The following THRAP3 variants were observed in gnomAD, a reference collection of about 807,000 sequenced individuals.
THRAP3 encodes thyroid hormone receptor-associated protein 3.
In THRAP3, 16 loss-of-function variants were observed where a neutral mutation model predicts 101.0. The ratio of observed to expected loss-of-function variants is 0.16; its 90% CI spans 0.11 to 0.24. THRAP3 has a LOEUF of 0.24. THRAP3 is among the 10% of genes least tolerant of loss of function. The probability of loss-of-function intolerance (pLI) is 1.00; values close to 1 mark genes in which losing one functional copy is unlikely to be tolerated. For missense variants in THRAP3, 989 were observed against 1,202.7 expected, an observed-to-expected ratio of 0.82 and a Z score of 2.63; for synonymous variants, 407 against 422.6, an observed-to-expected ratio of 0.96 and a Z score of 0.45.
At chr1:36,277,362 G>T (rs753562658) in intron 2 of THRAP3, among the ~76,000 whole-genome samples, 1 of 151,086 alleles carries the variant, frequency 6.6e-6, no homozygotes, top group Admixed American at 6.6e-5. Flanking sequence ...ACCACACCTG[G>T]CTACTTTTTG....
the THRAP3 span, among the ~76,000 whole-genome samples, chr1:36,212,524 G>T: frequency 6.7e-6 from 1 of 149,748 alleles, no homozygotes; most frequent in Non-Finnish European, 1.5e-5. Flanking sequence ...GCGTTCGAGC[G>T]ATTCTCCTGC....
chr1:36,277,134 A>G (rs1016757036), intron 2 of THRAP3, among the ~76,000 whole-genome samples: 2 of 148,722 alleles, frequency 1.3e-5, no homozygotes, highest in African/African-American at 5.0e-5. Flanking sequence ...ACGCCTGGCT[A>G]ATTTTTGTAT....
the THRAP3 span, among the ~76,000 whole-genome samples, chr1:36,219,120 A>C: frequency 1.8e-4 from 27 of 152,048 alleles, no homozygotes; most frequent in African/African-American, 6.0e-4. Context: ...TGATACAGAG[A>C]GAGTTTTAGT....
upstream of THRAP3, among the ~76,000 whole-genome samples, chr1:36,220,533 G>C (rs1252865883): frequency 6.6e-6 from 1 of 152,086 alleles, no homozygotes; most frequent in Non-Finnish European, 1.5e-5. Flanking sequence ...TAAATGTTGT[G>C]AAGGCTGGGT....
At chr1:36,234,505 A>G (rs377439291) in intron 1 of THRAP3, among the ~76,000 whole-genome samples, 6 of 152,292 alleles carry the variant, frequency 3.9e-5, no homozygotes, top group Non-Finnish European at 2.9e-5. Context: ...CTGTTATGGT[A>G]TGTCGTATGT....
At chr1:36,224,898 C>T (rs1644943750) in intron 1 of THRAP3, 1 of 152,346 alleles carries the variant, frequency 6.6e-6, no homozygotes, top group African/African-American at 2.4e-5. Flanking sequence ...CCCCATTGGC[C>T]TGGTTCGGTC....
rs138875519 is a variant in THRAP3, at chr1:36,287,141, A to G, written c.911A>G (p.His304Arg). 148 of 1,614,158 alleles carry G rather than the reference A, an allele frequency of 9.2e-5. 1 individual carries two copies. The African/African-American group carries it at 1.8e-3, about 19-fold the overall frequency. Residue 304 changes from histidine (H) to arginine (R), a missense_variant, in exon 4 of 12, where the codon CAT becomes CGT. By Grantham distance (29) the His-to-Arg change is conservative (BLOSUM62 0). Transcript: ENST00000354618. ...GGGACACACCAAGGTCAGTTCGACC[A>G]TGGTTCTGGGTCCCTGAGTCCATCC... ...QSGTHQGQFD[H>R]GSGSLSPSKK...
At chr1:36,266,850 A>ATATTTATTCATT (rs1645520428) in intron 2 of THRAP3, among the ~76,000 whole-genome samples, 1 of 144,226 alleles carries the variant, frequency 6.9e-6, no homozygotes, top group Non-Finnish European at 1.5e-5. Flanking sequence ...TATAATACGA[A>ATATTTATTCATT]TATTTATTTA....
chr1:36,280,607 G>T (rs1028970177), intron 2 of THRAP3, among the ~76,000 whole-genome samples: 2 of 152,172 alleles, frequency 1.3e-5, no homozygotes, highest in African/African-American at 4.8e-5. Context: ...GCAGAATCTC[G>T]CTAGGCAGCA....
At chr1:36,224,177 C>T (rs973840034), upstream of THRAP3, among the ~76,000 whole-genome samples, 28 of 152,358 alleles carry the variant, frequency 1.8e-4, no homozygotes, top group Non-Finnish European at 3.2e-4. Context: ...ACGCCCCCGC[C>T]CCTTCCGTCC....
chr1:36,220,123 A>G (rs547672390), upstream of THRAP3, among the ~76,000 whole-genome samples: 3 of 152,138 alleles, frequency 2.0e-5, no homozygotes, highest in East Asian at 5.8e-4. Flanking sequence ...CCTCCTGAGC[A>G]GCTGGGATTA....
intron 3 of THRAP3, among the ~76,000 whole-genome samples, chr1:36,284,692 A>G (rs1232057994): frequency 1.3e-5 from 2 of 152,222 alleles, no homozygotes; most frequent in Non-Finnish European, 2.9e-5. Context: ...GCATCTGTGC[A>G]ATGACTGTGA....
At position 36,287,584 on chromosome 1, in the gene THRAP3, C is replaced by CA. The variant is rs1570330096; in HGVS notation, c.1040+322dup. 11 of 984,974 alleles carry CA rather than the reference C, an allele frequency of 1.1e-5. No individual in the cohort carries two copies. The South Asian group carries it at 5.2e-4, about 46-fold the overall frequency. 61.0% of individuals were successfully genotyped at this position (984,974 alleles called of 1,614,324 possible). On this transcript the variant is annotated intron_variant, in intron 4 of 11. Transcript: ENST00000354618. ...CAGTAGAGATTTGTGGGTCAGCTAT[C>CA]AAAAAAAAGTATGGTCTTTGCCAAA...
chr1:36,251,509 C>T (rs1645300277), intron 1 of THRAP3, among the ~76,000 whole-genome samples: 1 of 152,218 alleles, frequency 6.6e-6, no homozygotes, highest in Non-Finnish European at 1.5e-5. Context: ...AAGGAGCAGA[C>T]TCATTCAACC....
At chr1:36,255,580 G>A (rs767571407) in intron 1 of THRAP3, among the ~76,000 whole-genome samples, 1 of 151,752 alleles carries the variant, frequency 6.6e-6, no homozygotes, top group African/African-American at 2.4e-5. Flanking sequence ...ACCAGCCTGG[G>A]TAACATGGTG....
At chr1:36,285,073 T>G (rs1044033894) in intron 3 of THRAP3, among the ~76,000 whole-genome samples, 2 of 152,212 alleles carry the variant, frequency 1.3e-5, no homozygotes, top group African/African-American at 4.8e-5. Flanking sequence ...TATCTTTAGA[T>G]TAAATTGAAT....
rs1166260923 is a variant in THRAP3, at chr1:36,241,385, G to GTATATATA, written c.-135+16917_-135+16924dup. Among the ~76,000 whole-genome samples the GTATATATA allele has an allele frequency of 9.3e-3, 80 of 8,580 alleles. 1 individual carries two copies. Among genetic ancestry groups the GTATATATA allele is most frequent in the African/African-American group, 0.011 (75 of 6,552 alleles). 5.6% of individuals were successfully genotyped at this position (8,580 alleles called of 152,430 possible). A position where few individuals can be genotyped will look rare whatever the true frequency, so the allele number is the denominator to read the frequency against. Reference sequence around the variant, plus strand: ...CCCATTATCTGAAATGATAATGGGTGTATATATATATATATATATATATAT... The same window carrying GTATATATA: ...CCCATTATCTGAAATGATAATGGGTGTATATATATATATATATATATATATATATATAT... On this transcript the variant is annotated intron_variant, in intron 1 of 11. Transcript: ENST00000354618.
intron 1 of THRAP3, among the ~76,000 whole-genome samples, chr1:36,249,736 GGAGTGGTGGTTTGGT>G (rs2124447196): frequency 1.3e-5 from 2 of 149,772 alleles, no homozygotes; most frequent in Admixed American, 1.3e-4. Flanking sequence ...GGTTGAGACA[GGAGTGGTGGTTTGGT>G]GAGAGGAGGC....
At chr1:36,289,029 T>G (rs1277032888) in intron 4 of THRAP3, 31 bp from the exon 5 acceptor site, 4 of 1,529,770 alleles carry the variant, frequency 2.6e-6, no homozygotes, top group Admixed American at 2.2e-5. Context: ...AAGAAGCCTC[T>G]TGTGTCTCTC....
Sources: gnomAD v4.1 joint callset for allele counts (sites outside exome capture counted in the v4.1 genomes callset) on GRCh38, gnomAD v4.1.1 for gene constraint, MANE v1.5 for transcripts, NCBI Gene and HGNC (gene_info 2026-07-23, HGNC 2026-07-21) for gene names.